LRP1B: variants seen among roughly 807,000 people sequenced by gnomAD.
LRP1B encodes low-density lipoprotein receptor-related protein 1B.
Under a neutral mutation model 556.6 loss-of-function variants are expected in LRP1B, and 217 were observed. The observed-to-expected ratio is 0.39, with a 90% CI of 0.35 to 0.44. The LOEUF is 0.44. Ranked by LOEUF, LRP1B falls within the 20% of genes least tolerant of loss-of-function variation. LRP1B has a pLI of 1.00. For synonymous variants in LRP1B, 2,047 were observed against 1,865.8 expected (o/e 1.10, Z -2.50); for missense variants, 5,053 against 5,620.8 (o/e 0.90, Z 3.23).
At chr2:141,316,302 T>C (rs17543266) in intron 3 of LRP1B, among the ~76,000 whole-genome samples, 12,235 of 152,264 alleles carry the variant, frequency 0.08, 514 homozygotes, top group South Asian at 0.12. Context: ...TTGATTGCCC[T>C]GTCATTTAAC....
chr2:141,319,554 G>T (rs1687162189), intron 3 of LRP1B, among the ~76,000 whole-genome samples: 1 of 151,922 alleles, frequency 6.6e-6, no homozygotes, highest in Admixed American at 6.6e-5. Context: ...TTCTCATGGA[G>T]GCTGCTTAGT....
At chr2:140,689,091 T>G (rs1686149700) in intron 41 of LRP1B, among the ~76,000 whole-genome samples, 1 of 152,228 alleles carries the variant, frequency 6.6e-6, no homozygotes, top group African/African-American at 2.4e-5. Flanking sequence ...AAATTTAAAA[T>G]GGCATTCAGT....
chr2:140,782,487 A>C, intron 32 of LRP1B, among the ~76,000 whole-genome samples: 1 of 152,120 alleles, frequency 6.6e-6, no homozygotes, highest in East Asian at 1.9e-4. Flanking sequence ...GAGTGACCTT[A>C]GAAGAATCCT....
Position 141,923,835 on chromosome 2 carries a change from C to T in LRP1B, c.83-113434G>A, listed in dbSNP as rs558669820. On this transcript the variant is annotated intron_variant, in intron 1 of 90. Coordinates refer to ENST00000389484, the MANE Select transcript of LRP1B (RefSeq NM_018557.3). The stretch of plus-strand genomic sequence containing the variant: ...CCCTTTCCCTGGTTTTTAGCATTGG[C>T]AGCATAACCAACTTAGGAAAAGAAG... Among the ~76,000 whole-genome samples, 15 of 151,986 alleles carry T rather than the reference C, an allele frequency of 9.9e-5. 1 individual carries two copies. The East Asian group carries it at 1.8e-3, about 18-fold the overall frequency.
intron 1 of LRP1B, among the ~76,000 whole-genome samples, chr2:142,052,214 G>T (rs1421903120): frequency 1.3e-5 from 2 of 151,942 alleles, no homozygotes; most frequent in Non-Finnish European, 2.9e-5. Context: ...TGAGTATTAA[G>T]TCTAACTGAA....
intron 84 of LRP1B, among the ~76,000 whole-genome samples, chr2:140,275,099 T>C (rs1682615622): frequency 6.6e-6 from 1 of 151,954 alleles, no homozygotes; most frequent in South Asian, 2.1e-4. Flanking sequence ...TTCTCATTAA[T>C]GCAGAACATT....
chr2:141,329,643 C>CAAAAAAAAA (rs71391650), intron 3 of LRP1B, among the ~76,000 whole-genome samples: 71 of 28,950 alleles, frequency 2.5e-3, no homozygotes, highest in Non-Finnish European at 3.9e-3. Flanking sequence ...GACTCTGTCT[C>CAAAAAAAAA]AAAAAAAAAA....
At chr2:141,983,888 C>A (rs897068696) in intron 1 of LRP1B, among the ~76,000 whole-genome samples, 3 of 152,092 alleles carry the variant, frequency 2.0e-5, no homozygotes, top group Non-Finnish European at 4.4e-5. Context: ...TGATGAAACC[C>A]TGTCTCTACT....
chr2:140,949,551 G>A (rs2105298144), intron 20 of LRP1B, among the ~76,000 whole-genome samples: 1 of 149,892 alleles, frequency 6.7e-6, no homozygotes, highest in South Asian at 2.2e-4. Flanking sequence ...GTAAACAAAT[G>A]TTGTATGGAA....
chr2:141,459,512 T>C (rs1559081582), intron 3 of LRP1B, among the ~76,000 whole-genome samples: 1 of 152,130 alleles, frequency 6.6e-6, no homozygotes, highest in Non-Finnish European at 1.5e-5. Flanking sequence ...AGCAAGGTGA[T>C]ATGGTTTGGC....
chr2:141,936,856 C>A (rs1457919434), intron 1 of LRP1B, among the ~76,000 whole-genome samples: 2 of 151,158 alleles, frequency 1.3e-5, no homozygotes, highest in Non-Finnish European at 2.9e-5. Flanking sequence ...ACATAGCCAA[C>A]ATTCATTATA....
rs148244093 is a variant in LRP1B, at chr2:141,975,514, C to T, written c.82+155134G>A. On this transcript the variant is annotated intron_variant, in intron 1 of 90. Coordinates refer to ENST00000389484, the MANE Select transcript of LRP1B (RefSeq NM_018557.3). Reference sequence around the variant, plus strand: ...ATAAATGGATTGAAGGAAGAGAAAACACTGGGTGGCACACTCTAATTCTTT... The same window carrying T: ...ATAAATGGATTGAAGGAAGAGAAAATACTGGGTGGCACACTCTAATTCTTT... Among the ~76,000 whole-genome samples the T allele has an allele frequency of 2.2e-3, 335 of 152,190 alleles. 3 individuals carry two copies. Among genetic ancestry groups the T allele is most frequent in the African/African-American group, 7.8e-3 (326 of 41,562 alleles).
chr2:141,274,002 C>T (rs1202275445), intron 3 of LRP1B, among the ~76,000 whole-genome samples: 1 of 152,144 alleles, frequency 6.6e-6, no homozygotes, highest in African/African-American at 2.4e-5. Context: ...TAAATCAAAA[C>T]CACAACAAAA....
chr2:140,719,106 C>A (rs752083075), intron 35 of LRP1B, among the ~76,000 whole-genome samples: 1 of 151,960 alleles, frequency 6.6e-6, no homozygotes, highest in African/African-American at 2.4e-5. Flanking sequence ...AGGGCTGGGA[C>A]TTTATTTCAT....
intron 2 of LRP1B, among the ~76,000 whole-genome samples, chr2:141,562,405 A>T (rs1327411903): frequency 6.6e-6 from 1 of 151,810 alleles, no homozygotes; most frequent in East Asian, 1.9e-4. Context: ...AGTTTTTCTT[A>T]CTCCCTCAGT....
chr2:141,671,056 T>C (rs936453324), intron 2 of LRP1B, among the ~76,000 whole-genome samples: 1 of 152,176 alleles, frequency 6.6e-6, no homozygotes, highest in East Asian at 1.9e-4. Context: ...AGAAGATGAA[T>C]TTTGGTAGAC....
intron 47 of LRP1B, among the ~76,000 whole-genome samples, chr2:140,529,569 C>T (rs1690597328): frequency 6.6e-6 from 1 of 151,926 alleles, no homozygotes; most frequent in South Asian, 2.1e-4. Flanking sequence ...ATTTCTTCTC[C>T]AGCTATGTTT....
rs182062141 is a variant in LRP1B, at chr2:140,760,599, A to G, written c.5758+8614T>C. On this transcript the variant is annotated intron_variant, in intron 35 of 90. Transcript: ENST00000389484. ...TTGTTGTTGTTGCTGTGAAACACCC[A>G]TCCTGGCTGGGCGCAGTGGCTCACG... 1.8e-3 allele frequency among the ~76,000 whole-genome samples: 268 copies of G among 152,280 alleles called. 1 individual carries two copies. Among genetic ancestry groups the G allele is most frequent in the Non-Finnish European group, 2.9e-3 (197 of 68,026 alleles).
At chr2:141,213,209 C>T (rs1457566288) in intron 6 of LRP1B, among the ~76,000 whole-genome samples, 1 of 151,444 alleles carries the variant, frequency 6.6e-6, no homozygotes, top group Non-Finnish European at 1.5e-5. Context: ...GCCTCACTTT[C>T]CACAGTGCTG....
Sources: gnomAD v4.1 joint callset for allele counts (sites outside exome capture counted in the v4.1 genomes callset) on GRCh38, gnomAD v4.1.1 for gene constraint, MANE v1.5 for transcripts, NCBI Gene and HGNC (gene_info 2026-07-23, HGNC 2026-07-21) for gene names.